PTN: variants seen among roughly 807,000 people sequenced by gnomAD.
PTN encodes the protein pleiotrophin.
PTN carries 18 observed loss-of-function variants against 24.1 expected under a neutral mutation model. The observed-to-expected ratio is 0.75, with a 90% CI of 0.52 to 1.11. The LOEUF is 1.11. Ranked by LOEUF, PTN falls within the 50% of genes least tolerant of loss-of-function variation. PTN has a pLI of 0.00. For missense variants in PTN, 163 were observed against 198.8 expected, an observed-to-expected ratio of 0.82 and a Z score of 1.08; for synonymous variants, 78 against 68.6, an observed-to-expected ratio of 1.14 and a Z score of -0.67.
At chr7:137,251,704 C>A (rs909635288) in intron 3 of PTN, among the ~76,000 whole-genome samples, 1 of 150,634 alleles carries the variant, frequency 6.6e-6, no homozygotes, top group Non-Finnish European at 1.5e-5. Context: ...TTCCCCACCT[C>A]CTTAATCCCC....
chr7:137,252,756 T>C (rs1222328287), intron 3 of PTN, among the ~76,000 whole-genome samples: 1 of 151,824 alleles, frequency 6.6e-6, no homozygotes, highest in African/African-American at 2.4e-5. Context: ...GTCTGGATTG[T>C]GGAAGAGGTT....
At chr7:137,239,373 T>TA (rs1442509983) in intron 4 of PTN, among the ~76,000 whole-genome samples, 4 of 130,140 alleles carry the variant, frequency 3.1e-5, no homozygotes, top group African/African-American at 9.7e-5. Context: ...GTAATTTTCT[T>TA]TTTTATTTAT....
rs148297053 is a variant in PTN at position 137,231,646 on chromosome 7, G to A, written c.452-3571C>T. 5.4e-3 allele frequency among the ~76,000 whole-genome samples: 818 copies of A among 151,974 alleles called. 10 individuals carry two copies. Among genetic ancestry groups the A allele is most frequent in the African/African-American group, 0.019 (775 of 41,468 alleles). On this transcript the variant is annotated intron_variant, in intron 4 of 4. Coordinates refer to ENST00000348225, the MANE Select transcript of PTN (RefSeq NM_002825.7). ...CATTCATGAAATACTTGTTGCATGC[G>A]GAGTGGATAAATGAATACTTGAATG...
chr7:137,266,989 C>T (rs890338519), intron 1 of PTN, among the ~76,000 whole-genome samples: 17 of 151,414 alleles, frequency 1.1e-4, no homozygotes, highest in African/African-American at 4.1e-4. Context: ...CAGTGCTTTC[C>T]GGATACGCCC....
intron 1 of PTN, among the ~76,000 whole-genome samples, chr7:137,263,948 C>T (rs183638801): frequency 6.2e-4 from 94 of 152,294 alleles, no homozygotes; most frequent in Middle Eastern, 6.8e-3. Context: ...AACTCCACCA[C>T]GTAACTGTTT....
At position 137,280,691 on chromosome 7, in the gene PTN, T is replaced by TAACAAAAAAAAAAA. The variant is rs760779128; in HGVS notation, c.-1-25718_-1-25717insTTTTTTTTTTTGTT. Among the ~76,000 whole-genome samples the TAACAAAAAAAAAAA allele has an allele frequency of 2.8e-3, 42 of 14,742 alleles. 3 individuals are homozygous for TAACAAAAAAAAAAA. Among genetic ancestry groups the TAACAAAAAAAAAAA allele is most frequent in the African/African-American group, 4.9e-3 (27 of 5,534 alleles). The allele number at this position is 14,742 out of a possible 152,430, so 9.7% of individuals were successfully genotyped here. Reference sequence around the variant, plus strand: ...CAACATGGCAAAACCCCGTCTCTACTAAAAATACAAAAAAAAAAAAAAAAA... The same window carrying TAACAAAAAAAAAAA: ...CAACATGGCAAAACCCCGTCTCTACTAACAAAAAAAAAAAAAAAATACAAAAAAAAAAAAAAAAA... On this transcript the variant is annotated intron_variant, in intron 1 of 4. Coordinates refer to ENST00000348225, the MANE Select transcript of PTN (RefSeq NM_002825.7).
At chr7:137,326,980 G>A (rs1033325900) in intron 1 of PTN, 2 of 151,886 alleles carry the variant, frequency 1.3e-5, no homozygotes, top group Non-Finnish European at 1.5e-5. Flanking sequence ...ACTATAAAAG[G>A]AAACCATAGA....
intron 1 of PTN, among the ~76,000 whole-genome samples, chr7:137,330,647 T>C (rs920813254): frequency 6.6e-6 from 1 of 152,154 alleles, no homozygotes; most frequent in Non-Finnish European, 1.5e-5. Flanking sequence ...AGGGACCAGA[T>C]TGTCCAACTC....
chr7:137,232,260 G>A (rs991045854), intron 4 of PTN, among the ~76,000 whole-genome samples: 3 of 151,948 alleles, frequency 2.0e-5, no homozygotes, highest in Non-Finnish European at 4.4e-5. Flanking sequence ...CCTGAAAGGT[G>A]ACTTGTTCTG....
At chr7:137,269,675 CAGGCTGG>C (rs1325539277) in intron 1 of PTN, among the ~76,000 whole-genome samples, 1 of 134,956 alleles carries the variant, frequency 7.4e-6, no homozygotes, top group Non-Finnish European at 1.5e-5. Flanking sequence ...GCTCTGTCAC[CAGGCTGG>C]AGTCCAGTGG....
intron 1 of PTN, among the ~76,000 whole-genome samples, chr7:137,286,757 T>C (rs944208917): frequency 6.6e-6 from 1 of 152,140 alleles, no homozygotes; most frequent in South Asian, 2.1e-4. Flanking sequence ...CAGAATGAGT[T>C]AAAAAGCAGA....
chr7:137,331,712 T>C (rs1226842473), intron 1 of PTN, among the ~76,000 whole-genome samples: 1 of 152,182 alleles, frequency 6.6e-6, no homozygotes, highest in Non-Finnish European at 1.5e-5. Flanking sequence ...CTCAGGCTCT[T>C]GAGAGGAGCT....
chr7:137,246,651 A>G (rs1403313219), intron 4 of PTN, among the ~76,000 whole-genome samples: 1 of 152,196 alleles, frequency 6.6e-6, no homozygotes, highest in South Asian at 2.1e-4. Flanking sequence ...TGCATAAGTC[A>G]TTGATTTTCT....
chr7:137,312,516 A>G (rs1809998757), intron 1 of PTN, among the ~76,000 whole-genome samples: 1 of 152,248 alleles, frequency 6.6e-6, no homozygotes, highest in Non-Finnish European at 1.5e-5. Context: ...GTTCTAAGCT[A>G]CGCTTTCTCA....
At chr7:137,339,274 G>A (rs945080941) in intron 1 of PTN, among the ~76,000 whole-genome samples, 15 of 152,050 alleles carry the variant, frequency 9.9e-5, no homozygotes, top group Non-Finnish European at 7.4e-5. Flanking sequence ...CAAACACAAA[G>A]TATTAGATAT....
At chr7:137,263,863 G>A (rs1021401818) in intron 1 of PTN, among the ~76,000 whole-genome samples, 17 of 152,104 alleles carry the variant, frequency 1.1e-4, no homozygotes, top group South Asian at 4.1e-4. Context: ...GTCCAGTCCC[G>A]GTGGGATTCT....
intron 1 of PTN, among the ~76,000 whole-genome samples, chr7:137,278,255 C>T (rs1425582338): frequency 7.8e-6 from 1 of 128,192 alleles, no homozygotes; most frequent in Non-Finnish European, 1.6e-5. Flanking sequence ...TGCAGTGAGC[C>T]GAGATCGCGC....
In PTN at chr7:137,232,145, C is replaced by A. The variant is rs138041517; in HGVS notation, c.452-4070G>T. Among the ~76,000 whole-genome samples the A allele has an allele frequency of 3.6e-4, 54 of 152,030 alleles. No individual in the cohort carries two copies. The East Asian group carries it at 9.9e-3, about 28-fold the overall frequency. On this transcript the variant is annotated intron_variant, in intron 4 of 4. Transcript: ENST00000348225. Reference sequence around the variant, plus strand: ...CATACACCACACATCAAATAACACCCCGGGCCACATGTCCCTTGTCCCTGC... The same window carrying A: ...CATACACCACACATCAAATAACACCACGGGCCACATGTCCCTTGTCCCTGC...
chr7:137,254,804 G>T, intron 2 of PTN, 55 bp downstream of exon 2: 2 of 1,217,256 alleles, frequency 1.6e-6, no homozygotes, highest in Non-Finnish European at 2.3e-6. Flanking sequence ...CAGGTAATTA[G>T]ACTAGATGGA....
Sources: allele counts gnomAD v4.1 joint callset (sites outside exome capture counted in the v4.1 genomes callset), GRCh38; gene constraint gnomAD v4.1.1; transcripts MANE v1.5; gene names NCBI Gene and HGNC (gene_info 2026-07-23, HGNC 2026-07-21).